Variants in RSU1 observed in about 807,000 individuals in gnomAD.
The protein encoded by RSU1 is rsu-1.
A neutral mutation model predicts 31.1 loss-of-function variants in RSU1; 26 were observed. The observed-to-expected ratio is 0.84, with a 90% CI of 0.61 to 1.16. RSU1 has a LOEUF of 1.16. RSU1 is among the 50% of genes most tolerant of loss of function. The pLI, the probability that RSU1 is intolerant of heterozygous loss-of-function variation, is 0.00. For missense variants in RSU1, 320 were observed against 339.1 expected, an observed-to-expected ratio of 0.94 and a Z score of 0.44; for synonymous variants, 164 against 136.3, an observed-to-expected ratio of 1.20 and a Z score of -1.41.
intron 8 of RSU1, among the ~76,000 whole-genome samples, chr10:16,640,889 A>G (rs1834428914): frequency 1.3e-5 from 2 of 152,200 alleles, no homozygotes; most frequent in Admixed American, 1.3e-4. Context: ...CCTGTCATAA[A>G]CATGAAACAG....
chr10:16,617,101 C>G (rs919604345), intron 8 of RSU1, among the ~76,000 whole-genome samples: 2 of 152,108 alleles, frequency 1.3e-5, no homozygotes, highest in African/African-American at 4.8e-5. Flanking sequence ...GTCTCATCCC[C>G]AAAACTCATT....
intron 8 of RSU1, among the ~76,000 whole-genome samples, chr10:16,664,553 T>C (rs1316791245): frequency 6.6e-6 from 1 of 152,232 alleles, no homozygotes; most frequent in Non-Finnish European, 1.5e-5. Context: ...GGCCGAGTAC[T>C]AGGCTTTGAA....
At chr10:16,770,565 G>A (rs1267282108) in intron 3 of RSU1, among the ~76,000 whole-genome samples, 1 of 152,212 alleles carries the variant, frequency 6.6e-6, no homozygotes, top group Non-Finnish European at 1.5e-5. Context: ...AGCACCAAAG[G>A]ATGTTTTCAG....
At chr10:16,655,870 A>G (rs868193614) in intron 8 of RSU1, among the ~76,000 whole-genome samples, 1 of 152,242 alleles carries the variant, frequency 6.6e-6, no homozygotes, top group Admixed American at 6.5e-5. Context: ...TAACTGTTAC[A>G]TGCACTGTGA....
intron 8 of RSU1, among the ~76,000 whole-genome samples, chr10:16,670,742 T>C (rs1279660981): frequency 6.6e-6 from 1 of 152,144 alleles, no homozygotes; most frequent in East Asian, 1.9e-4. Flanking sequence ...TGGTCAGTAC[T>C]GGTCAGCACC....
At chr10:16,790,751 G>C (rs1328797780) in intron 2 of RSU1, among the ~76,000 whole-genome samples, 1 of 152,186 alleles carries the variant, frequency 6.6e-6, no homozygotes, top group Non-Finnish European at 1.5e-5. Flanking sequence ...TCTCATGATG[G>C]TGAGTGAGTT....
chr10:16,788,090 G>T (rs1379329853), intron 2 of RSU1, among the ~76,000 whole-genome samples: 1 of 151,000 alleles, frequency 6.6e-6, no homozygotes, highest in Non-Finnish European at 1.5e-5. Flanking sequence ...AGTCTGACAT[G>T]AAAAAAATCT....
At chr10:16,748,890 C>T (rs1418033353) in intron 7 of RSU1, among the ~76,000 whole-genome samples, 1 of 141,638 alleles carries the variant, frequency 7.1e-6, no homozygotes, top group Non-Finnish European at 1.5e-5. Context: ...GCTCTTAATA[C>T]CACATATCTG....
chr10:16,660,278 T>C (rs1319207848), intron 8 of RSU1, among the ~76,000 whole-genome samples: 1 of 152,158 alleles, frequency 6.6e-6, no homozygotes, highest in African/African-American at 2.4e-5. Context: ...CAGGGCCACA[T>C]CATCCCCATG....
intron 2 of RSU1, among the ~76,000 whole-genome samples, chr10:16,808,999 C>G (rs969054755): frequency 3.3e-5 from 5 of 152,196 alleles, no homozygotes; most frequent in African/African-American, 1.2e-4. Context: ...TGATCTTGAA[C>G]TTCCAGCCTC....
In RSU1 at chr10:16,645,946, A is replaced by ACATATATATGTG. The variant is rs1194681531; in HGVS notation, c.731+49076_731+49077insCACATATATATG. Among the ~76,000 whole-genome samples the ACATATATATGTG allele has an allele frequency of 3.4e-5, 2 of 59,402 alleles. 1 individual carries two copies. The highest frequency in any genetic ancestry group is 1.6e-3 in the South Asian group (2 of 1,230). The allele number at this position is 59,402 out of a possible 152,430, so 39.0% of individuals were successfully genotyped here. A position where few individuals can be genotyped will look rare whatever the true frequency, so the allele number is the denominator to read the frequency against. On this transcript the variant is annotated intron_variant, in intron 8 of 8. Coordinates refer to ENST00000345264, the MANE Select transcript of RSU1 (RefSeq NM_012425.4). The stretch of plus-strand genomic sequence containing the variant: ...TGTATATACACATATGTGTATATAT[A>ACATATATATGTG]TGTGTATATACATATATGTGTATAT...
intron 7 of RSU1, among the ~76,000 whole-genome samples, chr10:16,746,552 G>A (rs1410147133): frequency 1.3e-5 from 2 of 151,842 alleles, no homozygotes; most frequent in Non-Finnish European, 2.9e-5. Flanking sequence ...GCAAAACACA[G>A]AATCCAGATC....
chr10:16,814,970 G>T (rs1564367671), intron 2 of RSU1, among the ~76,000 whole-genome samples: 1 of 152,266 alleles, frequency 6.6e-6, no homozygotes, highest in Non-Finnish European at 1.5e-5. Flanking sequence ...AAGCTCCTCT[G>T]CTGAAAGCAG....
rs1158574762 is a variant in RSU1, at chr10:16,709,677, C to T, written c.599-14522G>A. Among the ~76,000 whole-genome samples, 19 of 152,188 alleles carry T rather than the reference C, an allele frequency of 1.2e-4. No homozygotes were observed. In the East Asian group the frequency reaches 1.4e-3, roughly 11 times the overall value. On this transcript the variant is annotated intron_variant, in intron 7 of 8. Transcript: ENST00000345264. ...CACCTGTTGTTTCCTGACTTTTTAA[C>T]GATTGCCATTCTAACTGGTGTGAGA...
chr10:16,601,149 A>C (rs1288021855), intron 8 of RSU1, among the ~76,000 whole-genome samples: 5 of 152,140 alleles, frequency 3.3e-5, no homozygotes, highest in African/African-American at 1.2e-4. Context: ...TCATCAGCCC[A>C]CTGGGACACT....
At chr10:16,657,318 A>G (rs1004463352) in intron 8 of RSU1, among the ~76,000 whole-genome samples, 2 of 152,204 alleles carry the variant, frequency 1.3e-5, no homozygotes, top group African/African-American at 2.4e-5. Context: ...TTACTTGACC[A>G]TTCAGTTTAG....
intron 8 of RSU1, among the ~76,000 whole-genome samples, chr10:16,620,554 GT>G (rs1169306291): frequency 8.0e-6 from 1 of 125,038 alleles, no homozygotes; most frequent in Middle Eastern, 3.4e-3. Flanking sequence ...TGTACAAAAT[GT>G]TAAAAAAAAA....
In RSU1 at chr10:16,645,992, G is replaced by A. The variant is rs1005647417; in HGVS notation, c.731+49031C>T. 3.2e-4 allele frequency among the ~76,000 whole-genome samples: 17 copies of A among 53,440 alleles called. 2 individuals carry two copies. Among genetic ancestry groups the A allele is most frequent in the African/African-American group, 6.3e-4 (6 of 9,524 alleles). 35.1% of individuals were successfully genotyped at this position (53,440 alleles called of 152,430 possible). A position where few individuals can be genotyped will look rare whatever the true frequency, so the allele number is the denominator to read the frequency against. ...TATATATATGTGTATATACATATAT[G>A]TGTATATATATGTGTATATACATAT... is the stretch of plus-strand genomic sequence containing the variant. On this transcript the variant is annotated intron_variant, in intron 8 of 8. Transcript: ENST00000345264.
intron 4 of RSU1, 107 bp from the exon 5 acceptor site, chr10:16,755,096 AT>A (rs1837057213): frequency 1.6e-6 from 1 of 615,646 alleles, no homozygotes; most frequent in South Asian, 2.4e-5. Flanking sequence ...CAGTGCCATG[AT>A]CCTAGAGTCA....
Sources: allele counts gnomAD v4.1 joint callset (sites outside exome capture counted in the v4.1 genomes callset), GRCh38; gene constraint gnomAD v4.1.1; transcripts MANE v1.5; gene names NCBI Gene and HGNC (gene_info 2026-07-23, HGNC 2026-07-21).